MYO5B: variants seen among roughly 807,000 people sequenced by gnomAD.
MYO5B encodes the protein unconventional myosin-Vb.
MYO5B carries 143 observed loss-of-function variants against 229.3 expected under a neutral mutation model. The observed-to-expected ratio is 0.62, with a 90% confidence interval of 0.54 to 0.72. MYO5B has a LOEUF of 0.72. MYO5B is among the 30% of genes least tolerant of loss of function. MYO5B has a pLI of 0.00. For synonymous variants in MYO5B, 918 were observed against 885.2 expected, an observed-to-expected ratio of 1.04 and a Z score of -0.66; for missense variants, 2,321 against 2,331.0, an observed-to-expected ratio of 1.00 and a Z score of 0.09.
chr18:50,008,108 C>G (rs1325478921), intron 4 of MYO5B, among the ~76,000 whole-genome samples: 2 of 152,170 alleles, frequency 1.3e-5, no homozygotes, highest in East Asian at 3.8e-4. Context: ...ATAAAGCAGC[C>G]TTTAACAAAT....
chr18:50,178,442 C>T (rs986346630), intron 1 of MYO5B, among the ~76,000 whole-genome samples: 6 of 152,192 alleles, frequency 3.9e-5, no homozygotes, highest in African/African-American at 1.4e-4. Context: ...ATCCACAGTA[C>T]TCAGCAACAG....
intron 17 of MYO5B, among the ~76,000 whole-genome samples, chr18:49,912,700 T>G (rs1401306754): frequency 1.3e-5 from 2 of 152,216 alleles, no homozygotes; most frequent in Non-Finnish European, 2.9e-5. Flanking sequence ...TCTTCCGCCA[T>G]GACTGTGAGT....
At chr18:49,930,891 C>CAAAA (rs139716218) in intron 16 of MYO5B, among the ~76,000 whole-genome samples, 97 of 140,814 alleles carry the variant, frequency 6.9e-4, no homozygotes, top group East Asian at 8.5e-4. Context: ...GACTCTGTCT[C>CAAAA]AAAAAAAAAC....
At chr18:50,100,562 A>G (rs2031635267) in intron 1 of MYO5B, among the ~76,000 whole-genome samples, 1 of 152,062 alleles carries the variant, frequency 6.6e-6, no homozygotes, top group African/African-American at 2.4e-5. Context: ...CCCACTTTCT[A>G]CTTCTCTCCT....
chr18:49,879,572 G>A (rs930158774), intron 23 of MYO5B, among the ~76,000 whole-genome samples: 2 of 152,216 alleles, frequency 1.3e-5, no homozygotes, highest in Admixed American at 1.3e-4. Context: ...GGACAGAAAA[G>A]TGTTTTAAAA....
At chr18:49,858,525 C>T (rs1470726951) in intron 29 of MYO5B, among the ~76,000 whole-genome samples, 1 of 152,174 alleles carries the variant, frequency 6.6e-6, no homozygotes, top group Non-Finnish European at 1.5e-5. Context: ...AGCCCCCCAC[C>T]CCCCAGGGAG....
chr18:50,043,464 T>A (rs867360431), intron 2 of MYO5B, among the ~76,000 whole-genome samples: 46 of 83,324 alleles, frequency 5.5e-4, no homozygotes, highest in African/African-American at 2.0e-3. Flanking sequence ...AATATATTTG[T>A]ATATATTTAC....
rs2030548165 is a variant in MYO5B, at chr18:50,056,302, T to C, written c.28-924A>G. On this transcript the variant is annotated intron_variant, in intron 1 of 39. Coordinates refer to ENST00000285039, the MANE Select transcript of MYO5B (RefSeq NM_001080467.3). Reference sequence around the variant, plus strand: ...TGCAGTCAGAATCACCTGGGGAGCCTGGAAAATATCAATTCTTGGCTGTAC... The same window carrying C: ...TGCAGTCAGAATCACCTGGGGAGCCCGGAAAATATCAATTCTTGGCTGTAC... Among the ~76,000 whole-genome samples the C allele has an allele frequency of 3.9e-5, 6 of 152,254 alleles. No individual in the cohort carries two copies. In the South Asian group the frequency reaches 1.2e-3, roughly 32 times the overall value.
At chr18:50,193,785 G>A (rs992568560) in intron 1 of MYO5B, among the ~76,000 whole-genome samples, 4 of 152,248 alleles carry the variant, frequency 2.6e-5, no homozygotes, top group African/African-American at 7.2e-5. Flanking sequence ...CACATGTGAA[G>A]AAAAGGCCTT....
At chr18:50,111,409 T>C (rs954597321) in intron 1 of MYO5B, among the ~76,000 whole-genome samples, 6 of 152,206 alleles carry the variant, frequency 3.9e-5, no homozygotes, top group African/African-American at 1.4e-4. Flanking sequence ...TACACACCCA[T>C]GTCAAGATTA....
intron 5 of MYO5B, 72 bp downstream of exon 5, chr18:50,001,183 T>C: frequency 6.3e-7 from 1 of 1,599,758 alleles, no homozygotes; most frequent in Non-Finnish European, 8.6e-7. Context: ...CACCCAGGCT[T>C]GACGCCCAGC....
At chr18:49,945,991 T>C (rs190622649) in intron 14 of MYO5B, among the ~76,000 whole-genome samples, 1 of 152,188 alleles carries the variant, frequency 6.6e-6, no homozygotes, top group African/African-American at 2.4e-5. Flanking sequence ...CTAATTCATA[T>C]ACTTTCTGAA....
chr18:49,964,397 G>A (rs1028146785), intron 10 of MYO5B, among the ~76,000 whole-genome samples: 1 of 152,042 alleles, frequency 6.6e-6, no homozygotes, highest in African/African-American at 2.4e-5. Context: ...GATGGGTGAT[G>A]CATTTTTGAT....
At chr18:49,992,807 A>C (rs2144313498) in intron 5 of MYO5B, among the ~76,000 whole-genome samples, 1 of 152,310 alleles carries the variant, frequency 6.6e-6, no homozygotes, top group South Asian at 2.1e-4. Flanking sequence ...AAAGAATCAC[A>C]GAGACCTTAG....
chr18:49,832,571 T>C lies in MYO5B; in HGVS notation c.5394+2773A>G, dbSNP rs564112777. Among the ~76,000 whole-genome samples the C allele has an allele frequency of 8.5e-5, 13 of 152,264 alleles. No homozygotes were observed. The South Asian group carries it at 1.0e-3, about 12-fold the overall frequency. On this transcript the variant is annotated intron_variant, in intron 39 of 39. Transcript: ENST00000285039. ...GCAGCATTTGAAAATCGCTGGGAAA[T>C]AGGTTTACAGAATGAAGTCAGCTGG...
At position 50,128,758 on chromosome 18, in the gene MYO5B, T is replaced by C. The variant is rs1355407; in HGVS notation, c.27+66009A>G. On this transcript the variant is annotated intron_variant, in intron 1 of 39. Coordinates refer to ENST00000285039, the MANE Select transcript of MYO5B (RefSeq NM_001080467.3). ...CAGTCTGTCACTCAAGCCCTCCGGG[T>C]CTCAGTTTCCCTCCCTGTGACATGC... Among the ~76,000 whole-genome samples, 120 of 152,208 alleles carry C rather than the reference T, an allele frequency of 7.9e-4. 1 individual carries two copies. Among genetic ancestry groups the C allele is most frequent in the South Asian group, 6.6e-3 (32 of 4,820 alleles).
At position 49,912,260 on chromosome 18, in the gene MYO5B, G is replaced by A. The variant is rs2024967118; in HGVS notation, c.2091-87C>T. 3 of 969,216 alleles carry A rather than the reference G, an allele frequency of 3.1e-6. 1 individual carries two copies. The South Asian group carries it at 3.8e-5, about 12-fold the overall frequency. The allele number at this position is 969,216 out of a possible 1,614,324, so 60.0% of individuals were successfully genotyped here. On this transcript the variant is annotated intron_variant, in intron 17 of 39. Coordinates refer to ENST00000285039, the MANE Select transcript of MYO5B (RefSeq NM_001080467.3). ...GGCGTGACCTCAGACAGTTCCCTAT[G>A]GGGTCAACACTGTGGCACAAAGTCA...
At chr18:49,881,784 C>G (rs1357204706) in intron 22 of MYO5B, among the ~76,000 whole-genome samples, 1 of 131,542 alleles carries the variant, frequency 7.6e-6, no homozygotes. Flanking sequence ...GCCTGGGAGA[C>G]AGTGAGACTC....
At chr18:49,907,662 G>T (rs907149287) in intron 18 of MYO5B, among the ~76,000 whole-genome samples, 2 of 152,270 alleles carry the variant, frequency 1.3e-5, no homozygotes, top group African/African-American at 4.8e-5. Flanking sequence ...CCTGAAAAAT[G>T]CTGAATCATC....
Sources: gnomAD v4.1 joint callset for allele counts (sites outside exome capture counted in the v4.1 genomes callset) on GRCh38, gnomAD v4.1.1 for gene constraint, MANE v1.5 for transcripts, NCBI Gene and HGNC (gene_info 2026-07-23, HGNC 2026-07-21) for gene names.